The following PRKN variants were observed in gnomAD, a reference collection of about 807,000 sequenced individuals.
The protein encoded by PRKN is E3 ubiquitin-protein ligase parkin.
A neutral mutation model predicts 59.5 loss-of-function variants in PRKN; 56 were observed. That is an observed-to-expected ratio of 0.94 (90% CI 0.76 to 1.18). PRKN has a LOEUF of 1.18. Among genes scored for constraint, PRKN ranks in the 50% most tolerant of loss-of-function variants. The probability of loss-of-function intolerance (pLI) is 0.00; values close to 1 mark genes in which losing one functional copy is unlikely to be tolerated. For missense variants in PRKN, 657 were observed against 596.4 expected (o/e 1.10, Z -1.06); for synonymous variants, 250 against 222.1 (o/e 1.13, Z -1.12).
intron 2 of PRKN, among the ~76,000 whole-genome samples, chr6:162,384,141 C>A (rs1378017607): frequency 6.6e-6 from 1 of 152,158 alleles, no homozygotes; most frequent in Non-Finnish European, 1.5e-5. Flanking sequence ...GTAGCACTTC[C>A]CTCAAGAATT....
chr6:161,450,155 C>G (rs1789664955), intron 9 of PRKN, among the ~76,000 whole-genome samples: 1 of 152,172 alleles, frequency 6.6e-6, no homozygotes, highest in Non-Finnish European at 1.5e-5. Flanking sequence ...CGAGTCTCTC[C>G]TAAGATCAGA....
chr6:161,682,518 C>A (rs1318369913), intron 7 of PRKN, among the ~76,000 whole-genome samples: 1 of 151,740 alleles, frequency 6.6e-6, no homozygotes, highest in Non-Finnish European at 1.5e-5. Flanking sequence ...GGAGTGAGAT[C>A]GGAGCTGGGG....
At chr6:161,670,953 GA>G (rs1321833422) in intron 7 of PRKN, among the ~76,000 whole-genome samples, 4 of 152,122 alleles carry the variant, frequency 2.6e-5, no homozygotes, top group African/African-American at 9.7e-5. Flanking sequence ...GGGTGTTGGG[GA>G]TTAGCACTTC....
At chr6:162,324,050 T>A (rs1301862330) in intron 2 of PRKN, among the ~76,000 whole-genome samples, 2 of 152,050 alleles carry the variant, frequency 1.3e-5, no homozygotes. Context: ...TGTATACAGG[T>A]GTGCAACTTT....
intron 4 of PRKN, among the ~76,000 whole-genome samples, chr6:162,104,366 A>C (rs1443995419): frequency 1.3e-5 from 2 of 152,178 alleles, no homozygotes; most frequent in African/African-American, 4.8e-5. Context: ...AATCTATGTA[A>C]CCTTCCAATA....
intron 7 of PRKN, among the ~76,000 whole-genome samples, chr6:161,684,197 T>G (rs1169361077): frequency 2.0e-5 from 3 of 152,100 alleles, no homozygotes; most frequent in Non-Finnish European, 4.4e-5. Context: ...GAGAAAACAT[T>G]TTTCAAAAAA....
chr6:162,470,738 GTTTA>G (rs1381262983), intron 1 of PRKN, among the ~76,000 whole-genome samples: 4 of 151,900 alleles, frequency 2.6e-5, no homozygotes, highest in African/African-American at 7.3e-5. Flanking sequence ...CTTTAATTTT[GTTTA>G]TTTATTTTTA....
intron 1 of PRKN, among the ~76,000 whole-genome samples, chr6:162,573,755 T>C (rs1780445363): frequency 6.6e-6 from 1 of 152,216 alleles, no homozygotes; most frequent in Non-Finnish European, 1.5e-5. Flanking sequence ...GTGAAATACA[T>C]TTACATAAGT....
intron 9 of PRKN, among the ~76,000 whole-genome samples, chr6:161,389,841 C>G (rs1421465210): frequency 6.6e-6 from 1 of 152,124 alleles, no homozygotes; most frequent in African/African-American, 2.4e-5. Context: ...AGAGGAACAC[C>G]CTGGAGGCTG....
At chr6:162,205,995 T>C (rs980658092) in intron 3 of PRKN, among the ~76,000 whole-genome samples, 5 of 152,158 alleles carry the variant, frequency 3.3e-5, no homozygotes, top group Non-Finnish European at 7.3e-5. Flanking sequence ...CAGCTTGTTT[T>C]AATCTGTGCT....
At position 161,446,042 on chromosome 6, in the gene PRKN, A is replaced by C. The variant is rs973828251; in HGVS notation, c.1084-59165T>G. Among the ~76,000 whole-genome samples the C allele has an allele frequency of 2.0e-5, 3 of 151,358 alleles. No homozygotes were observed. The highest frequency in any genetic ancestry group is 4.8e-5 in the African/African-American group (2 of 41,372). ...AACATGGTGAAACCCTGTCTCTATA[A>C]AAAATATAAAACTTAGCTGGGTGTG... On this transcript the variant is annotated intron_variant, in intron 9 of 11. Transcript: ENST00000366898. This position sits in a 1 kb window ranked among gnomAD's most constrained non-coding sequence, Gnocchi z 6.2.
At chr6:162,533,978 A>G (rs1315691703) in intron 1 of PRKN, among the ~76,000 whole-genome samples, 4 of 151,482 alleles carry the variant, frequency 2.6e-5, no homozygotes, top group African/African-American at 7.3e-5. Context: ...CTCAAAAAAA[A>G]AAAAAAAAAA....
At chr6:162,072,195 G>A (rs963827810) in intron 4 of PRKN, among the ~76,000 whole-genome samples, 2 of 152,074 alleles carry the variant, frequency 1.3e-5, no homozygotes, top group Admixed American at 1.3e-4. Flanking sequence ...GGCTGAGGTA[G>A]GGGAATCACC....
chr6:162,635,683 A>G (rs909229809), intron 1 of PRKN, among the ~76,000 whole-genome samples: 3 of 152,120 alleles, frequency 2.0e-5, no homozygotes, highest in African/African-American at 7.2e-5. Context: ...TTATGATTTA[A>G]GAGTTTGTTG....
intron 7 of PRKN, among the ~76,000 whole-genome samples, chr6:161,775,587 C>G (rs79701915): frequency 0.039 from 5,924 of 152,104 alleles, 378 homozygotes; most frequent in African/African-American, 0.13. Flanking sequence ...TTTTAATATG[C>G]GTGTTGGCCA....
chr6:162,610,056 G>A (rs975107649), intron 1 of PRKN, among the ~76,000 whole-genome samples: 8 of 152,166 alleles, frequency 5.3e-5, no homozygotes, highest in Non-Finnish European at 8.8e-5. Context: ...TGGATGAAAT[G>A]TAAGAGAAAG....
chr6:161,766,139 T>C (rs1789412596), intron 7 of PRKN, among the ~76,000 whole-genome samples: 1 of 152,186 alleles, frequency 6.6e-6, no homozygotes, highest in East Asian at 1.9e-4. Context: ...ACAGTTCTTT[T>C]ATTCTACAAA....
At chr6:162,708,421 C>G (rs985908916) in intron 1 of PRKN, among the ~76,000 whole-genome samples, 5 of 152,134 alleles carry the variant, frequency 3.3e-5, no homozygotes, top group African/African-American at 1.2e-4. Context: ...TAAAATTTCC[C>G]TAAGTATTGC....
chr6:162,632,455 T>C (rs1777526163), intron 1 of PRKN, among the ~76,000 whole-genome samples: 1 of 151,978 alleles, frequency 6.6e-6, no homozygotes, highest in Non-Finnish European at 1.5e-5. Context: ...GAACTAAACA[T>C]TGAACACACC....
Sources: gnomAD v4.1 joint callset for allele counts (sites outside exome capture counted in the v4.1 genomes callset) on GRCh38, gnomAD v4.1.1 for gene constraint, Gnocchi (gnomAD v3.1) non-coding constraint, MANE v1.5 for transcripts, NCBI Gene and HGNC (gene_info 2026-07-23, HGNC 2026-07-21) for gene names.